The following MYOF variants were observed in gnomAD, a reference collection of about 807,000 sequenced individuals.
MYOF encodes myoferlin, also known as fer-1-like 3, myoferlin.
Under a neutral mutation model 284.2 loss-of-function variants are expected in MYOF, and 244 were observed. The ratio of observed to expected loss-of-function variants is 0.86; its 90% CI spans 0.77 to 0.95. The LOEUF is 0.95. MYOF is among the 40% of genes least tolerant of loss of function. MYOF has a pLI of 0.00. For synonymous variants in MYOF, 904 were observed against 919.7 expected (o/e 0.98, Z 0.31); for missense variants, 2,496 against 2,560.6 (o/e 0.97, Z 0.54).
chr10:93,404,341 AC>A (rs1847448082), intron 7 of MYOF, 122 bp from the exon 8 acceptor site: 1 of 959,388 alleles, frequency 1.0e-6, no homozygotes, highest in Non-Finnish European at 1.6e-6. Flanking sequence ...ATTAGGTTTG[AC>A]CATGTGAACA....
At chr10:93,454,664 A>C (rs1304177124) in intron 2 of MYOF, among the ~76,000 whole-genome samples, 2 of 152,062 alleles carry the variant, frequency 1.3e-5, no homozygotes, top group African/African-American at 4.8e-5. Context: ...CCTGCCTGAG[A>C]CCTGCTGGGC....
intron 46 of MYOF, among the ~76,000 whole-genome samples, chr10:93,325,516 A>G (rs1176674464): frequency 6.6e-6 from 1 of 152,164 alleles, no homozygotes; most frequent in Non-Finnish European, 1.5e-5. Context: ...ACTCTCTGTA[A>G]TATCTGGACT....
intron 5 of MYOF, among the ~76,000 whole-genome samples, chr10:93,413,005 C>G (rs1847970824): frequency 6.6e-6 from 1 of 152,126 alleles, no homozygotes. Flanking sequence ...TCATCCTGGG[C>G]CTAAGTGGTA....
intron 1 of MYOF, among the ~76,000 whole-genome samples, chr10:93,463,949 G>A (rs999208180): frequency 2.0e-5 from 3 of 151,634 alleles, no homozygotes; most frequent in Admixed American, 6.6e-5. Flanking sequence ...GGTCAGCTGC[G>A]CTGGTTCATT....
intron 24 of MYOF, among the ~76,000 whole-genome samples, chr10:93,370,507 G>T (rs1304431747): frequency 2.0e-5 from 3 of 151,690 alleles, no homozygotes; most frequent in African/African-American, 7.3e-5. Flanking sequence ...AGAGACGGGG[G>T]TCTTGCCATG....
intron 51 of MYOF, among the ~76,000 whole-genome samples, chr10:93,311,722 GC>G (rs1417117847): frequency 6.6e-6 from 1 of 152,168 alleles, no homozygotes; most frequent in Non-Finnish European, 1.5e-5. Context: ...GGAAGCCCTG[GC>G]CCTGAGTAGA....
In MYOF at chr10:93,347,413, G is replaced by A. The variant is rs543373923; in HGVS notation, c.4249+204C>T. On this transcript the variant is annotated intron_variant, in intron 37 of 53. Coordinates refer to ENST00000359263, the MANE Select transcript of MYOF (RefSeq NM_013451.4). ...TAAAAATACAAAAAATTAGCCGGGC[G>A]CGGTGGCGGGCGCCTGTAGTCCCAG... Among the ~76,000 whole-genome samples the A allele has an allele frequency of 6.0e-5, 9 of 150,686 alleles. No homozygotes were observed. The South Asian group carries it at 6.5e-4, about 11-fold the overall frequency.
At chr10:93,319,218 G>C (rs113107467) in intron 49 of MYOF, among the ~76,000 whole-genome samples, 1 of 152,236 alleles carries the variant, frequency 6.6e-6, no homozygotes, top group Admixed American at 6.5e-5. Flanking sequence ...CAGGATGTGA[G>C]CTGAGGCTGC....
At chr10:93,327,971 T>C (rs1843129729) in intron 45 of MYOF, among the ~76,000 whole-genome samples, 1 of 152,148 alleles carries the variant, frequency 6.6e-6, no homozygotes, top group Non-Finnish European at 1.5e-5. Context: ...GCTTTCACCA[T>C]GTTGGTCAGG....
chr10:93,332,202 C>G (rs1186410308), intron 43 of MYOF, among the ~76,000 whole-genome samples: 2 of 150,406 alleles, frequency 1.3e-5, no homozygotes, highest in African/African-American at 2.4e-5. Context: ...GTCAGATGGT[C>G]TGAGTTCAAA....
chr10:93,323,016 ACTCACGAAGGAGAGAGTC>A, intron 48 of MYOF, 44 bp downstream of exon 48: 1 of 1,480,184 alleles, frequency 6.8e-7, no homozygotes, highest in Non-Finnish European at 9.4e-7. Flanking sequence ...AGTAATGAAA[ACTCACGAAGGAGAGAGTC>A]TGTTTCCCTG....
chr10:93,370,628 T>G (rs546259306), intron 24 of MYOF, among the ~76,000 whole-genome samples: 1 of 152,254 alleles, frequency 6.6e-6, no homozygotes, highest in Non-Finnish European at 1.5e-5. Context: ...ATTACCAATC[T>G]TATTAAATCT....
chr10:93,415,034 G>A (rs925463378), intron 5 of MYOF, among the ~76,000 whole-genome samples: 4 of 151,950 alleles, frequency 2.6e-5, no homozygotes, highest in East Asian at 1.9e-4. Context: ...GTGAGCCACC[G>A]CGCCTGGCTG....
intron 48 of MYOF, among the ~76,000 whole-genome samples, chr10:93,322,036 A>T (rs1357688581): frequency 6.6e-6 from 1 of 152,230 alleles, no homozygotes; most frequent in Non-Finnish European, 1.5e-5. Flanking sequence ...ATAGTCAAAT[A>T]AATTTGCATA....
chr10:93,372,884 G>A, intron 24 of MYOF, 46 bp downstream of exon 24: 1 of 1,608,164 alleles, frequency 6.2e-7, no homozygotes, highest in Non-Finnish European at 8.5e-7. Context: ...CAGGAATACA[G>A]CTTTTGCATT....
At chr10:93,420,076 T>C (rs886432788) in intron 5 of MYOF, among the ~76,000 whole-genome samples, 57 of 152,254 alleles carry the variant, frequency 3.7e-4, no homozygotes, top group Admixed American at 2.1e-3. Context: ...GAGGTTTCAG[T>C]GAGCTGAGAT....
chr10:93,365,511 T>C (rs1313884734), intron 26 of MYOF, among the ~76,000 whole-genome samples: 1 of 152,214 alleles, frequency 6.6e-6, no homozygotes, highest in African/African-American at 2.4e-5. Context: ...GCAGACATTC[T>C]AGCATAATAG....
At chr10:93,417,177 G>A (rs930253050) in intron 5 of MYOF, among the ~76,000 whole-genome samples, 4 of 152,232 alleles carry the variant, frequency 2.6e-5, no homozygotes, top group Admixed American at 2.6e-4. Flanking sequence ...TAATTATAAT[G>A]TCACTTGGTC....
intron 9 of MYOF, 24 bp downstream of exon 9, chr10:93,403,999 A>G: frequency 6.2e-7 from 1 of 1,611,084 alleles, no homozygotes; most frequent in East Asian, 2.2e-5. Context: ...TGTAAGTTGA[A>G]TGAAGCAGAC....
Sources: allele counts gnomAD v4.1 joint callset (sites outside exome capture counted in the v4.1 genomes callset), GRCh38; gene constraint gnomAD v4.1.1; transcripts MANE v1.5; gene names NCBI Gene and HGNC (gene_info 2026-07-23, HGNC 2026-07-21).